ZBTB20: variants seen among roughly 807,000 people sequenced by gnomAD.
The protein encoded by ZBTB20 is zinc finger and BTB domain-containing protein 20.
Under a neutral mutation model 56.9 loss-of-function variants are expected in ZBTB20, and 9 were observed. That is an observed-to-expected ratio of 0.16 (90% confidence interval 0.10 to 0.28). ZBTB20 has a LOEUF of 0.28. Ranked by LOEUF, ZBTB20 falls within the 10% of genes least tolerant of loss-of-function variation. ZBTB20 has a pLI of 1.00. For missense variants in ZBTB20, 655 were observed against 1,003.0 expected (o/e 0.65, Z 4.69); for synonymous variants, 417 against 420.7 (o/e 0.99, Z 0.11).
At chr3:114,418,328 A>G (rs943140110) in intron 7 of ZBTB20, among the ~76,000 whole-genome samples, 7 of 152,076 alleles carry the variant, frequency 4.6e-5, no homozygotes, top group African/African-American at 1.7e-4. Flanking sequence ...TAGAACTGAG[A>G]CCAACTTTTC....
chr3:114,351,995 C>A lies in ZBTB20; in HGVS notation c.200-117G>T. On this transcript the variant is annotated intron_variant, in intron 10 of 11. Transcript: ENST00000675478. ...ATGGCTCCTAGAAGCACTGCCCTTACATACGCAAGTGGGGAGATGGACAGG... is the reference window on the plus strand; with the variant it reads ...ATGGCTCCTAGAAGCACTGCCCTTAAATACGCAAGTGGGGAGATGGACAGG... The A allele has an allele frequency of 2.3e-6, 3 of 1,307,606 alleles. No homozygotes were observed. In the South Asian group the frequency reaches 4.4e-5, roughly 19 times the overall value. 81.0% of individuals were successfully genotyped at this position (1,307,606 alleles called of 1,614,324 possible). A position where few individuals can be genotyped will look rare whatever the true frequency, so the allele number is the denominator to read the frequency against.
At chr3:114,501,445 G>A (rs1354995387) in intron 6 of ZBTB20, among the ~76,000 whole-genome samples, 1 of 151,856 alleles carries the variant, frequency 6.6e-6, no homozygotes, top group Non-Finnish European at 1.5e-5. Context: ...GGCCAAAATG[G>A]TGGAACCCTG....
At chr3:114,779,843 T>C (rs1283628941) in intron 5 of ZBTB20, among the ~76,000 whole-genome samples, 1 of 152,150 alleles carries the variant, frequency 6.6e-6, no homozygotes, top group East Asian at 1.9e-4. Context: ...AAGACACAAA[T>C]TAATCAAAAT....
At chr3:114,752,550 C>T (rs2108654904) in intron 5 of ZBTB20, among the ~76,000 whole-genome samples, 1 of 152,254 alleles carries the variant, frequency 6.6e-6, no homozygotes, top group Admixed American at 6.5e-5. Flanking sequence ...ATTTTACTTT[C>T]TTTAAAAAAT....
At chr3:115,067,943 T>C (rs1433646568) in intron 2 of ZBTB20, among the ~76,000 whole-genome samples, 1 of 152,054 alleles carries the variant, frequency 6.6e-6, no homozygotes, top group African/African-American at 2.4e-5. Flanking sequence ...ACTTAAAATG[T>C]AAAATATCAA....
intron 8 of ZBTB20, among the ~76,000 whole-genome samples, chr3:114,385,264 A>T (rs998085074): frequency 5.3e-5 from 8 of 152,136 alleles, no homozygotes; most frequent in Non-Finnish European, 1.0e-4. Context: ...TACATTAAAT[A>T]GGCTTAGTAT....
intron 3 of ZBTB20, among the ~76,000 whole-genome samples, chr3:114,943,160 T>C (rs1351868691): frequency 6.9e-6 from 1 of 145,740 alleles, no homozygotes; most frequent in East Asian, 1.9e-4. Context: ...TCTAAATGAC[T>C]ATTTATAAAA....
intron 4 of ZBTB20, among the ~76,000 whole-genome samples, chr3:114,885,621 T>C (rs652904): frequency 0.87 from 131,601 of 152,008 alleles, 58,005 homozygotes; most frequent in East Asian, 0.99. Context: ...ACAGGTTAAT[T>C]CAATTAATGT....
rs1424455076 is a variant in ZBTB20, at chr3:114,940,615, C to A, written c.-456+33751G>T. On this transcript the variant is annotated intron_variant, in intron 3 of 11. Transcript: ENST00000675478. ...ATGCATATTTCTTTTCCTTTAAAAT[C>A]CATCAATAAATGATCTGTGATCTGT... 4.8e-5 allele frequency among the ~76,000 whole-genome samples: 7 copies of A among 146,188 alleles called. 3 individuals carry two copies. Among genetic ancestry groups the A allele is most frequent in the African/African-American group, 1.9e-4 (7 of 35,926 alleles).
intron 3 of ZBTB20, among the ~76,000 whole-genome samples, chr3:114,924,130 T>C (rs536076217): frequency 1.5e-4 from 23 of 152,292 alleles, no homozygotes; most frequent in Middle Eastern, 3.4e-3. Context: ...ATAGCCATTA[T>C]GGAAAACAGT....
intron 4 of ZBTB20, among the ~76,000 whole-genome samples, chr3:114,888,002 C>G (rs1212915697): frequency 6.6e-6 from 1 of 151,508 alleles, no homozygotes; most frequent in African/African-American, 2.4e-5. Flanking sequence ...CCTCTTAAAT[C>G]AAATGCAGAT....
chr3:114,888,869 T>C (rs917834646), intron 4 of ZBTB20, among the ~76,000 whole-genome samples: 1 of 152,142 alleles, frequency 6.6e-6, no homozygotes, highest in African/African-American at 2.4e-5. Flanking sequence ...ATTTTCAATA[T>C]CTCTATTTAC....
intron 7 of ZBTB20, among the ~76,000 whole-genome samples, chr3:114,470,932 A>C (rs2040054138): frequency 6.6e-6 from 1 of 152,206 alleles, no homozygotes; most frequent in African/African-American, 2.4e-5. Flanking sequence ...TAGGAGATTA[A>C]GTCTCTGATC....
chr3:114,733,059 C>G (rs2065874456), intron 5 of ZBTB20, among the ~76,000 whole-genome samples: 1 of 152,094 alleles, frequency 6.6e-6, no homozygotes, highest in African/African-American at 2.4e-5. Flanking sequence ...GGTAAATGGT[C>G]TACCAGACAT....
At position 114,524,439 on chromosome 3, in the gene ZBTB20, T is replaced by C. The variant is rs1577284654; in HGVS notation, c.-294-24048A>G. 4.6e-5 allele frequency among the ~76,000 whole-genome samples: 7 copies of C among 152,272 alleles called. No individual in the cohort carries two copies. In the South Asian group the frequency reaches 1.5e-3, roughly 32 times the overall value. ...TATTTACACAGTGAATAACCAATAA[T>C]TGTAATGGGGTAGAAATGGAAAGAG... On this transcript the variant is annotated intron_variant, in intron 6 of 11. Transcript: ENST00000675478.
chr3:114,843,843 ATTT>A lies in ZBTB20; in HGVS notation c.-416-42672_-416-42670del, dbSNP rs35664431. 4.4e-3 allele frequency among the ~76,000 whole-genome samples: 635 copies of A among 143,238 alleles called. 1 individual carries two copies. The highest frequency in any genetic ancestry group is 0.017 in the South Asian group (74 of 4,454). The allele number at this position is 143,238 out of a possible 152,430, so 94.0% of individuals were successfully genotyped here. A position where few individuals can be genotyped will look rare whatever the true frequency, so the allele number is the denominator to read the frequency against. ...AGGTGCCTGCCATCACACCCGGCTA[ATTT>A]TTTTTTTTTTTTGTATTTTGAGTAG... On this transcript the variant is annotated intron_variant, in intron 4 of 11. Coordinates refer to ENST00000675478, the MANE Select transcript of ZBTB20 (RefSeq NM_001348800.3).
intron 11 of ZBTB20, among the ~76,000 whole-genome samples, chr3:114,346,138 T>C (rs547525595): frequency 3.3e-5 from 5 of 152,310 alleles, no homozygotes; most frequent in African/African-American, 1.2e-4. Flanking sequence ...TTTACTGTTA[T>C]AAAAATTGTT....
At chr3:114,426,101 C>T (rs1370694897) in intron 7 of ZBTB20, among the ~76,000 whole-genome samples, 5 of 151,958 alleles carry the variant, frequency 3.3e-5, no homozygotes, top group South Asian at 4.2e-4. Flanking sequence ...TTTGGGAGGC[C>T]GAGGTGGGCG....
intron 10 of ZBTB20, among the ~76,000 whole-genome samples, chr3:114,362,054 G>A (rs1415835178): frequency 6.6e-6 from 1 of 152,166 alleles, no homozygotes; most frequent in Non-Finnish European, 1.5e-5. Context: ...ATCTAGGGAT[G>A]AGAAGGGAGC....
Sources: allele counts gnomAD v4.1 joint callset (sites outside exome capture counted in the v4.1 genomes callset), GRCh38; gene constraint gnomAD v4.1.1; transcripts MANE v1.5; gene names NCBI Gene and HGNC (gene_info 2026-07-23, HGNC 2026-07-21).